KDM6A: variants seen among roughly 807,000 people sequenced by gnomAD.
KDM6A encodes the protein lysine-specific demethylase 6A.
Under a neutral mutation model 117.6 loss-of-function variants are expected in KDM6A, and 11 were observed. The ratio of observed to expected loss-of-function variants is 0.09; its 90% CI spans 0.06 to 0.15. The LOEUF (loss-of-function observed/expected upper bound fraction) is 0.15, where lower values mean the gene tolerates loss of function less well. Among genes scored for constraint, KDM6A ranks in the 10% least tolerant of loss-of-function variants. The pLI is 1.00. For missense variants in KDM6A, 799 were observed against 1,077.3 expected (o/e 0.74, Z 3.62); for synonymous variants, 384 against 396.1 (o/e 0.97, Z 0.36).
chrX:45,046,004 AAG>A (rs2043520708), intron 8 of KDM6A, among the ~76,000 whole-genome samples: 1 of 111,696 alleles, frequency 9.0e-6, no homozygotes, highest in South Asian at 3.7e-4. Context: ...ACAGTATAAT[AAG>A]AGAGTCAATA....
rs377729727 is a variant in KDM6A, at chrX:44,904,156, G to A, written c.225+30169G>A. 1.2e-3 allele frequency among the ~76,000 whole-genome samples: 132 copies of A among 112,217 alleles called. 3 individuals are homozygous for A. The South Asian group carries it at 0.047, about 40-fold the overall frequency. The stretch of plus-strand genomic sequence containing the variant: ...TCTCTGAATTAATTTTTAAAAGTCT[G>A]TGTTCTTTGTTATGTATTACCACTG... On this transcript the variant is annotated intron_variant, in intron 2 of 29. Transcript: ENST00000611820.
At chrX:45,063,194 C>A (rs1405529638) in intron 16 of KDM6A, among the ~76,000 whole-genome samples, 1 of 108,108 alleles carries the variant, frequency 9.3e-6, no homozygotes, top group African/African-American at 3.4e-5. Context: ...TTTTTTGAAA[C>A]CGACTTTTGC....
rs182500381 is a variant in KDM6A, at chrX:45,009,233, A to G, written c.385-1728A>G. Among the ~76,000 whole-genome samples, 43 of 112,255 alleles carry G rather than the reference A, an allele frequency of 3.8e-4. 1 individual carries two copies. The highest frequency in any genetic ancestry group is 3.8e-3 in the Admixed American group (40 of 10,651). The stretch of plus-strand genomic sequence containing the variant: ...TTGATTATATGCTAAACAAGGGGTG[A>G]ATTATTCATTAGTTTTCCAGGAAAG... On this transcript the variant is annotated intron_variant, in intron 4 of 29. Transcript: ENST00000611820.
intron 2 of KDM6A, among the ~76,000 whole-genome samples, chrX:44,912,464 A>G (rs936948929): frequency 1.8e-5 from 2 of 112,013 alleles, no homozygotes; most frequent in East Asian, 2.8e-4. Flanking sequence ...TGCATTTTAC[A>G]TCATGATCCA....
chrX:44,983,918 A>G (rs1602442584), intron 4 of KDM6A, among the ~76,000 whole-genome samples: 1 of 109,556 alleles, frequency 9.1e-6, no homozygotes, highest in African/African-American at 3.4e-5. Context: ...TCCTTTGGGT[A>G]TATACCCAGT....
At chrX:44,984,304 G>A (rs1411797330) in intron 4 of KDM6A, among the ~76,000 whole-genome samples, 2 of 111,686 alleles carry the variant, frequency 1.8e-5, no homozygotes, top group African/African-American at 6.5e-5. Flanking sequence ...GTAGATTCTG[G>A]ATATTAGCCC....
chrX:44,905,285 G>T (rs1206481231), intron 2 of KDM6A, among the ~76,000 whole-genome samples: 2 of 112,023 alleles, frequency 1.8e-5, no homozygotes, highest in Admixed American at 9.5e-5. Context: ...GGTTGGTTCC[G>T]TAAGATTATA....
At chrX:45,076,624 T>A in intron 18 of KDM6A, 73 bp from the exon 19 acceptor site, 4 of 829,492 alleles carry the variant, frequency 4.8e-6, no homozygotes, top group Non-Finnish European at 7.1e-6. Flanking sequence ...AGGACTTAAT[T>A]CAGGATTCTT....
Position 45,015,085 on chromosome X carries a change from T to G in KDM6A, c.443+4066T>G, listed in dbSNP as rs764864468. Among the ~76,000 whole-genome samples the G allele has an allele frequency of 1.1e-4, 12 of 108,116 alleles. No homozygotes were observed. The South Asian group carries it at 4.6e-3, about 41-fold the overall frequency. 93.9% of individuals were successfully genotyped at this position (108,116 alleles called of 115,157 possible). ...AGTTTTCTTTTTTCTTTTCTCTTCT[T>G]TTTTCTTTCTTTTCTTTTCTTTTCT... On this transcript the variant is annotated intron_variant, in intron 5 of 29. Coordinates refer to ENST00000611820, the MANE Select transcript of KDM6A (RefSeq NM_001291415.2).
intron 25 of KDM6A, among the ~76,000 whole-genome samples, chrX:45,089,460 A>T (rs756650545): frequency 2.8e-5 from 3 of 106,719 alleles, no homozygotes; most frequent in African/African-American, 1.0e-4. Flanking sequence ...CAGGAGGCGG[A>T]GGTTGCAGTG....
Position 44,992,962 on chromosome X carries a change from T to C in KDM6A, c.385-17999T>C, listed in dbSNP as rs2040694106. On this transcript the variant is annotated intron_variant, in intron 4 of 29. Coordinates refer to ENST00000611820, the MANE Select transcript of KDM6A (RefSeq NM_001291415.2). ...TGCCTATGCATACTCATCTTTGTTG[T>C]TTTTCCTCCTGTCATGATTAGATAG... Among the ~76,000 whole-genome samples, 3 of 112,363 alleles carry C rather than the reference T, an allele frequency of 2.7e-5. No individual in the cohort carries two copies. In the South Asian group the frequency reaches 1.1e-3, roughly 41 times the overall value.
intron 10 of KDM6A, among the ~76,000 whole-genome samples, chrX:45,054,829 G>C (rs762860014): frequency 1.3e-4 from 14 of 111,777 alleles, no homozygotes; most frequent in Non-Finnish European, 2.6e-4. Flanking sequence ...TATTAGATCA[G>C]TGGTCCTCAG....
chrX:44,941,035 C>T (rs1334966710), intron 2 of KDM6A, among the ~76,000 whole-genome samples: 4 of 109,127 alleles, frequency 3.7e-5, no homozygotes, highest in Non-Finnish European at 5.7e-5. Context: ...AACTCTGTCT[C>T]AAATAAAAAA....
Position 45,062,659 on chromosome X carries a change from C to T in KDM6A, c.1594C>T (p.Leu532Phe). The T allele has an allele frequency of 8.3e-7, 1 of 1,199,379 alleles. No individual in the cohort carries two copies. The highest frequency in any genetic ancestry group is 1.1e-6 in the Non-Finnish European group (1 of 884,568). ...TPQKLQHLEQ[L>F]RANRNNLNPA... ...GTTCTTCTTCTAGCATTTGGAACAG[C>T]TCCGCGCAAATAGAAATAATTTAAA... Residue 532 changes from leucine (L) to phenylalanine (F), a missense_variant, in exon 16 of 30, where the codon CTC becomes TTC. Physicochemically the swap from Leu to Phe is conservative, Grantham distance 22. Around this residue, in one of 8 missense-constraint regions of KDM6A, gnomAD observed 301 missense variants for 318.3 expected, o/e 0.95. Transcript: ENST00000611820.
intron 2 of KDM6A, among the ~76,000 whole-genome samples, chrX:44,910,144 A>G (rs1336316716): frequency 8.9e-6 from 1 of 112,331 alleles, no homozygotes; most frequent in Non-Finnish European, 1.9e-5. Context: ...CCTAATTAGA[A>G]TGTCTCATTC....
intron 2 of KDM6A, among the ~76,000 whole-genome samples, chrX:44,892,771 A>G (rs1262131693): frequency 9.2e-6 from 1 of 108,518 alleles, no homozygotes; most frequent in East Asian, 3.0e-4. Flanking sequence ...TGGGAGGCCG[A>G]GTGGGTGGAT....
At chrX:44,971,580 G>C (rs774004137) in intron 3 of KDM6A, among the ~76,000 whole-genome samples, 16 of 111,223 alleles carry the variant, frequency 1.4e-4, no homozygotes, top group Non-Finnish European at 3.0e-4. Flanking sequence ...TCAGCCGAGA[G>C]AAAGGAAAAA....
intron 2 of KDM6A, among the ~76,000 whole-genome samples, chrX:44,921,083 C>T (rs936429516): frequency 8.2e-5 from 9 of 109,869 alleles, no homozygotes; most frequent in Non-Finnish European, 5.7e-5. Flanking sequence ...CCATGTTGGC[C>T]AGGCTGTTCT....
intron 13 of KDM6A, 77 bp downstream of exon 13, chrX:45,060,233 T>C: frequency 1.7e-6 from 2 of 1,186,257 alleles, no homozygotes; most frequent in Non-Finnish European, 1.1e-6. Flanking sequence ...AAGCTTAATT[T>C]ACTAAGCACA....
Sources: allele counts gnomAD v4.1 joint callset (sites outside exome capture counted in the v4.1 genomes callset), GRCh38; gene constraint gnomAD v4.1.1; regional missense constraint gnomAD v4.1.1; transcripts MANE v1.5; gene names NCBI Gene and HGNC (gene_info 2026-07-23, HGNC 2026-07-21).